Variants in NSUN4 observed in about 807,000 individuals in gnomAD.
NSUN4 encodes NOP2/Sun RNA methyltransferase 4.
A neutral mutation model predicts 43.8 loss-of-function variants in NSUN4; 31 were observed. That is an observed-to-expected ratio of 0.71 (90% CI 0.53 to 0.96). The LOEUF is 0.96. Ranked by LOEUF, NSUN4 falls within the 40% of genes least tolerant of loss-of-function variation. The pLI, the probability that NSUN4 is intolerant of heterozygous loss-of-function variation, is 0.00. For synonymous variants in NSUN4, 167 were observed against 184.1 expected, an observed-to-expected ratio of 0.91 and a Z score of 0.75; for missense variants, 439 against 475.6, an observed-to-expected ratio of 0.92 and a Z score of 0.72.
At chr1:46,360,913 A>G (rs1470781507) in intron 5 of NSUN4, 85 bp downstream of exon 5, 35 of 1,474,276 alleles carry the variant, frequency 2.4e-5, no homozygotes, top group Non-Finnish European at 3.0e-5. Flanking sequence ...CAAGACCATA[A>G]CCCACACAAG....
At chr1:46,373,922 G>C in the NSUN4 span, among the ~76,000 whole-genome samples, 3 of 149,250 alleles carry the variant, frequency 2.0e-5, no homozygotes, top group Non-Finnish European at 4.4e-5. Context: ...GGGGTAAGGC[G>C]TTGGGGGATG....
chr1:46,352,759 G>A, intron 3 of NSUN4, 109 bp from the exon 4 acceptor site: 1 of 997,614 alleles, frequency 1.0e-6, no homozygotes, highest in Non-Finnish European at 1.5e-6. Flanking sequence ...CCTGATGCTG[G>A]GGTTTGCATT....
At chr1:46,375,988 C>T in the NSUN4 span, among the ~76,000 whole-genome samples, 11 of 149,932 alleles carry the variant, frequency 7.3e-5, no homozygotes, top group African/African-American at 2.7e-4. Context: ...TGCCTGTAAT[C>T]CCAGCTACTC....
downstream of NSUN4, among the ~76,000 whole-genome samples, chr1:46,369,903 C>A (rs1354969645): frequency 6.6e-6 from 1 of 152,146 alleles, no homozygotes; most frequent in Non-Finnish European, 1.5e-5. Flanking sequence ...CATGGGCCCC[C>A]CAGTGGGAAT....
chr1:46,348,283 C>T (rs987266893), intron 3 of NSUN4, among the ~76,000 whole-genome samples: 8 of 152,200 alleles, frequency 5.3e-5, no homozygotes, highest in African/African-American at 1.4e-4. Context: ...ACCTCCTGGA[C>T]GTCTGTCCTT....
chr1:46,341,649 C>T (rs1468395802), intron 1 of NSUN4: 3 of 1,224,736 alleles, frequency 2.4e-6, no homozygotes, highest in Non-Finnish European at 2.0e-6. Context: ...ATCTCTTCCA[C>T]CCCCACAACC....
the NSUN4 span, among the ~76,000 whole-genome samples, chr1:46,377,232 T>G: frequency 6.6e-6 from 1 of 152,124 alleles, no homozygotes; most frequent in Non-Finnish European, 1.5e-5. Context: ...GTATTTTTAG[T>G]AGAGACGGGG....
rs561897762 is a variant in NSUN4 at position 46,342,122 on chromosome 1, C to T, written c.93+1203C>T. ...GGCCGGTGGAAACTAGTCCTATGGC[C>T]TCCCCAACCCTTTCTCACAGAGTTT... On this transcript the variant is annotated intron_variant, in intron 1 of 5. Transcript: ENST00000474844. 48 of 418,626 alleles carry T rather than the reference C, an allele frequency of 1.1e-4. No homozygotes were observed. The South Asian group carries it at 3.9e-3, about 34-fold the overall frequency. The allele number at this position is 418,626 out of a possible 1,614,324, so 25.9% of individuals were successfully genotyped here.
At chr1:46,384,684 C>A in the NSUN4 span, among the ~76,000 whole-genome samples, 2 of 152,092 alleles carry the variant, frequency 1.3e-5, no homozygotes, top group African/African-American at 4.8e-5. Context: ...GAACAATGGC[C>A]CATGATTCTG....
rs1047298255 is a variant in NSUN4 at position 46,361,974 on chromosome 1, A to G, written c.*128A>G. ...CTCCATCCTGTTCGTGTCTTTCTGCAGTTTTCGGCAATAAGAAGTAGAAGA... is the reference window on the plus strand; with the variant it reads ...CTCCATCCTGTTCGTGTCTTTCTGCGGTTTTCGGCAATAAGAAGTAGAAGA... On this transcript the variant is annotated 3_prime_UTR_variant, in exon 6 of 6. Coordinates refer to ENST00000474844, the MANE Select transcript of NSUN4 (RefSeq NM_199044.4). The G allele has an allele frequency of 2.4e-5, 20 of 847,150 alleles. No individual in the cohort carries two copies. The highest frequency in any genetic ancestry group is 2.2e-4 in the South Asian group (12 of 55,602). The allele number at this position is 847,150 out of a possible 1,614,324, so 52.5% of individuals were successfully genotyped here. A position where few individuals can be genotyped will look rare whatever the true frequency, so the allele number is the denominator to read the frequency against.
At chr1:46,367,770 T>C (rs867228872), downstream of NSUN4, among the ~76,000 whole-genome samples, 1,549 of 150,494 alleles carry the variant, frequency 0.01, 32 homozygotes, top group African/African-American at 0.035. Flanking sequence ...TTTCTTTTTT[T>C]TTTTTTTTTT....
In NSUN4 at chr1:46,361,616, A is replaced by G; in HGVS notation, c.925A>G (p.Thr309Ala). 1 of 1,614,198 alleles carries G rather than the reference A, an allele frequency of 6.2e-7. No individual in the cohort carries two copies. Among genetic ancestry groups the G allele is most frequent in the South Asian group, 1.1e-5 (1 of 91,078 alleles). Residue 309 changes from threonine (T) to alanine (A), a missense_variant, in exon 6 of 6, where the codon ACC (threonine) becomes GCC (alanine). Transcript: ENST00000474844. ...TKPGGHVVYS[T>A]CSLSHLQNEY... is the part of the protein sequence containing the mutation. ...ACCAGGAGGCCATGTTGTCTATTCT[A>G]CCTGCTCACTCTCACACTTACAGAA... is the stretch of plus-strand genomic sequence containing the variant.
At position 46,341,078 on chromosome 1, in the gene NSUN4, T is replaced by A. The variant is rs1387272408; in HGVS notation, c.93+159T>A. 2.0e-5 allele frequency: 23 copies of A among 1,168,860 alleles called. No homozygotes were observed. In the East Asian group the frequency reaches 6.1e-4, roughly 31 times the overall value. 72.4% of individuals were successfully genotyped at this position (1,168,860 alleles called of 1,614,324 possible). ...CTCGTCTTTTCCGTCACCGCCTCTG[T>A]CCGCACTCTATGTCCCGAGCGTTAG... On this transcript the variant is annotated intron_variant, in intron 1 of 5. Transcript: ENST00000474844.
intron 4 of NSUN4, among the ~76,000 whole-genome samples, chr1:46,354,483 T>C (rs1663226911): frequency 6.6e-6 from 1 of 152,190 alleles, no homozygotes; most frequent in African/African-American, 2.4e-5. Context: ...TTTCTAAAAA[T>C]ATATAAAATA....
chr1:46,380,670 T>A, the NSUN4 span, among the ~76,000 whole-genome samples: 1 of 152,200 alleles, frequency 6.6e-6, no homozygotes, highest in African/African-American at 2.4e-5. Flanking sequence ...TCACCAGTGT[T>A]ATCCCCATTT....
intron 3 of NSUN4, among the ~76,000 whole-genome samples, chr1:46,347,952 A>G (rs1007522038): frequency 4.7e-5 from 7 of 147,862 alleles, no homozygotes; most frequent in Middle Eastern, 3.5e-3. Flanking sequence ...ACCTCGGCTC[A>G]CTGCAAGCTC....
downstream of NSUN4, among the ~76,000 whole-genome samples, chr1:46,369,060 G>T (rs1188761911): frequency 2.0e-5 from 3 of 152,132 alleles, no homozygotes; most frequent in Admixed American, 2.0e-4. Flanking sequence ...TCTGGGTCAG[G>T]ACAAATTGTC....
downstream of NSUN4, among the ~76,000 whole-genome samples, chr1:46,366,689 T>C (rs374957552): frequency 3.8e-5 from 4 of 103,954 alleles, no homozygotes; most frequent in African/African-American, 1.5e-4. Flanking sequence ...TGAAACCCCA[T>C]CTCTACTAAA....
intron 1 of NSUN4, chr1:46,344,368 G>A (rs1306469153): frequency 5.9e-6 from 1 of 170,388 alleles, no homozygotes; most frequent in African/African-American, 2.4e-5. Flanking sequence ...GCTATCAGTT[G>A]TAGTGCTCAC....
Sources: gnomAD v4.1 joint callset for allele counts (sites outside exome capture counted in the v4.1 genomes callset) on GRCh38, gnomAD v4.1.1 for gene constraint, MANE v1.5 for transcripts, NCBI Gene and HGNC (gene_info 2026-07-23, HGNC 2026-07-21) for gene names.